The following ASPA variants were observed in gnomAD, a reference collection of about 807,000 sequenced individuals.
ASPA encodes the protein aspartoacylase, also known as ACY-2.
Under a neutral mutation model 29.6 loss-of-function variants are expected in ASPA, and 25 were observed. That is an observed-to-expected ratio of 0.85 (90% CI 0.62 to 1.18). ASPA has a LOEUF of 1.18. Ranked by LOEUF, ASPA falls within the 50% of genes most tolerant of loss-of-function variation. ASPA has a pLI of 0.00. For missense variants in ASPA, 333 were observed against 385.7 expected (o/e 0.86, Z 1.14); for synonymous variants, 131 against 130.3 (o/e 1.01, Z -0.04).
At chr17:3,475,074 C>G (rs566614615), upstream of ASPA, among the ~76,000 whole-genome samples, 41 of 152,312 alleles carry the variant, frequency 2.7e-4, no homozygotes, top group Non-Finnish European at 4.6e-4. Flanking sequence ...ATAAATTACT[C>G]TTATTGTACC....
At chr17:3,483,286 T>G (rs1040131633) in intron 2 of ASPA, among the ~76,000 whole-genome samples, 7 of 152,214 alleles carry the variant, frequency 4.6e-5, no homozygotes, top group African/African-American at 1.7e-4. Context: ...AAAGACACTG[T>G]ATAATTCAAT....
chr17:3,481,207 G>A (rs2073621395), intron 1 of ASPA, among the ~76,000 whole-genome samples: 1 of 152,028 alleles, frequency 6.6e-6, no homozygotes, highest in Admixed American at 6.6e-5. Flanking sequence ...TAGCTAAAGT[G>A]GGGGAAAAAA....
intron 4 of ASPA, among the ~76,000 whole-genome samples, chr17:3,492,519 C>T (rs920299689): frequency 3.3e-5 from 5 of 152,132 alleles, no homozygotes; most frequent in Non-Finnish European, 5.9e-5. Flanking sequence ...TCCTTCTGTT[C>T]AGAGATAGAG....
upstream of ASPA, among the ~76,000 whole-genome samples, chr17:3,474,459 C>T (rs1008693815): frequency 6.6e-6 from 1 of 152,206 alleles, no homozygotes; most frequent in Admixed American, 6.5e-5. Context: ...GGTTACTGCT[C>T]TTAAAACCAA....
In ASPA at chr17:3,502,139, T is replaced by G. The variant is rs1341591738; in HGVS notation, c.*3051T>G. ...CCCAACCACCCTGATCAGGCAGCCA[T>G]CATCAAGGCAAGGCCCTCCACCAGC... On this transcript the variant is annotated 3_prime_UTR_variant, in exon 6 of 6. Transcript: ENST00000263080. The G allele has an allele frequency of 1.3e-5, 2 of 152,192 alleles. No homozygotes were observed. Among genetic ancestry groups the G allele is most frequent in the Non-Finnish European group, 2.9e-5 (2 of 68,040 alleles). 9.4% of individuals were successfully genotyped at this position (152,192 alleles called of 1,614,324 possible).
Position 3,483,555 on chromosome 17 carries a change from A to G in ASPA, c.489A>G (p.Lys163=), listed in dbSNP as rs1262479969. Residue 163 remains lysine (K), a synonymous_variant, in exon 3 of 6, where the codon AAA becomes AAG. Coordinates refer to ENST00000263080, the MANE Select transcript of ASPA (RefSeq NM_000049.4). ...ATCTGATTGAGCATCCTTCCCTCAAATATGCGACCACTCGTTCCATAGCCA... is the reference window on the plus strand; with the variant it reads ...ATCTGATTGAGCATCCTTCCCTCAAGTATGCGACCACTCGTTCCATAGCCA... ...YVYLIEHPSL[K]YATTRSIAKY... 6.2e-7 allele frequency: 1 copy of G among 1,614,048 alleles called. No individual in the cohort carries two copies. Among genetic ancestry groups the G allele is most frequent in the Non-Finnish European group, 8.5e-7 (1 of 1,180,008 alleles).
intron 4 of ASPA, among the ~76,000 whole-genome samples, chr17:3,493,407 A>C (rs1654180157): frequency 6.6e-6 from 1 of 151,972 alleles, no homozygotes; most frequent in Non-Finnish European, 1.5e-5. Flanking sequence ...CTAAAAATAC[A>C]AAAATTAGCC....
intron 2 of ASPA, among the ~76,000 whole-genome samples, chr17:3,482,113 A>C (rs1261636400): frequency 2.0e-5 from 3 of 152,246 alleles, no homozygotes; most frequent in Non-Finnish European, 4.4e-5. Context: ...GGTATTTGTT[A>C]AAACCAAGTA....
chr17:3,480,747 T>C (rs1041151801), intron 1 of ASPA, among the ~76,000 whole-genome samples: 5 of 152,234 alleles, frequency 3.3e-5, no homozygotes, highest in African/African-American at 1.2e-4. Flanking sequence ...AAAGGGCTGT[T>C]ATCATCTTTG....
chr17:3,480,879 T>C lies in ASPA; in HGVS notation c.237-724T>C, dbSNP rs1008268005. Among the ~76,000 whole-genome samples the C allele has an allele frequency of 1.4e-4, 22 of 152,312 alleles. 1 individual carries two copies. The highest frequency in any genetic ancestry group is 1.4e-3 in the Admixed American group (22 of 15,302). ...GGTTAGATCTCTTTCATTGTAATAA[T>C]TGTCTCAGTTATAATTTTTGCAAAG... On this transcript the variant is annotated intron_variant, in intron 1 of 5. Coordinates refer to ENST00000263080, the MANE Select transcript of ASPA (RefSeq NM_000049.4).
In ASPA at chr17:3,501,161, G is replaced by GA. The variant is rs899815050; in HGVS notation, c.*2081dup. On this transcript the variant is annotated 3_prime_UTR_variant, in exon 6 of 6. Transcript: ENST00000263080. ...TCAGGCTGGGGGAGGGGAGAAAAAA[G>GA]AAAAAAAAGAAAGGAAGAAAAAAAT... 4 of 150,962 alleles carry GA rather than the reference G, an allele frequency of 2.6e-5. No individual in the cohort carries two copies. In the East Asian group the frequency reaches 5.8e-4, roughly 22 times the overall value. The allele number at this position is 150,962 out of a possible 1,614,324, so 9.4% of individuals were successfully genotyped here. A position where few individuals can be genotyped will look rare whatever the true frequency, so the allele number is the denominator to read the frequency against.
At chr17:3,480,829 G>A (rs759702563) in intron 1 of ASPA, among the ~76,000 whole-genome samples, 3 of 152,220 alleles carry the variant, frequency 2.0e-5, no homozygotes, top group Non-Finnish European at 2.9e-5. Context: ...AGGATAGCTT[G>A]GAGATTAGAA....
At chr17:3,498,056 C>A (rs1023770446) in intron 5 of ASPA, among the ~76,000 whole-genome samples, 4 of 152,152 alleles carry the variant, frequency 2.6e-5, no homozygotes, top group African/African-American at 7.2e-5. Context: ...ATACACCCAC[C>A]TTGTCCCAGA....
chr17:3,476,397 T>C lies in ASPA; in HGVS notation c.236+2T>C, dbSNP rs1567608718. The C allele has an allele frequency of 6.2e-7, 1 of 1,612,990 alleles. No homozygotes were observed. The highest frequency in any genetic ancestry group is 8.5e-7 in the Non-Finnish European group (1 of 1,179,268). Reference sequence around the variant, plus strand: ...CATTTTTGACCTTGAAAATCTTGGGTAAGACTATGCTTTGTATTGTATATG... The same window carrying C: ...CATTTTTGACCTTGAAAATCTTGGGCAAGACTATGCTTTGTATTGTATATG... On this transcript the variant is annotated splice_donor_variant, in intron 1 of 5. Coordinates refer to ENST00000263080, the MANE Select transcript of ASPA (RefSeq NM_000049.4). LOFTEE classifies it high-confidence loss of function.
At chr17:3,498,305 T>C (rs536280081) in intron 5 of ASPA, among the ~76,000 whole-genome samples, 4 of 152,198 alleles carry the variant, frequency 2.6e-5, no homozygotes, top group African/African-American at 7.2e-5. Flanking sequence ...ATTATAAATC[T>C]CTTTGGCTAC....
chr17:3,486,585 T>C (rs1431436985), intron 3 of ASPA, among the ~76,000 whole-genome samples: 3 of 152,152 alleles, frequency 2.0e-5, no homozygotes, highest in African/African-American at 7.2e-5. Flanking sequence ...ACACCCTCTT[T>C]CTTCTCTAGT....
chr17:3,488,180 T>C lies in ASPA; in HGVS notation c.527-1055T>C, dbSNP rs143484974. On this transcript the variant is annotated intron_variant, in intron 3 of 5. Coordinates refer to ENST00000263080, the MANE Select transcript of ASPA (RefSeq NM_000049.4). The surrounding 1 kb of genome is among the most constrained non-coding windows in gnomAD (Gnocchi z 6.1). ...ATGGTTTGCCAAATAGAGAAGGTGATGACTGGGGAGATGACTTTGTGGGAG... is the reference window on the plus strand; with the variant it reads ...ATGGTTTGCCAAATAGAGAAGGTGACGACTGGGGAGATGACTTTGTGGGAG... Among the ~76,000 whole-genome samples, 803 of 152,226 alleles carry C rather than the reference T, an allele frequency of 5.3e-3. 36 individuals carry two copies. The East Asian group carries it at 0.1, about 19-fold the overall frequency.
intron 3 of ASPA, among the ~76,000 whole-genome samples, chr17:3,486,898 G>A (rs142687726): frequency 3.9e-5 from 6 of 152,292 alleles, no homozygotes; most frequent in African/African-American, 1.4e-4. Context: ...AGAATATTTA[G>A]ATTGTAGGAC....
rs1327739547 is a variant in ASPA at position 3,481,804 on chromosome 17, G to A, written c.432+6G>A. On this transcript the variant is annotated splice_donor_region_variant and intron_variant, in intron 2 of 5. Transcript: ENST00000263080. ...AGATGTTTCATTACATTAAGGTAAT[G>A]TTAATGTTATTAATTTATAAGTTAG... 2 of 1,582,756 alleles carry A rather than the reference G, an allele frequency of 1.3e-6. No homozygotes were observed. The highest frequency in any genetic ancestry group is 1.1e-5 in the South Asian group (1 of 88,616).
Sources: allele counts gnomAD v4.1 joint callset (sites outside exome capture counted in the v4.1 genomes callset), GRCh38; gene constraint gnomAD v4.1.1; non-coding constraint Gnocchi (gnomAD v3.1); transcripts MANE v1.5; gene names NCBI Gene and HGNC (gene_info 2026-07-23, HGNC 2026-07-21).